Variants in ANKAR observed in about 807,000 individuals in gnomAD.
The protein encoded by ANKAR is ankyrin and armadillo repeat-containing protein.
Under a neutral mutation model 146.2 loss-of-function variants are expected in ANKAR, and 136 were observed. The observed-to-expected ratio is 0.93, with a 90% CI of 0.81 to 1.07. The LOEUF (loss-of-function observed/expected upper bound fraction) is 1.07, where lower values mean the gene tolerates loss of function less well. Ranked by LOEUF, ANKAR falls within the 50% of genes least tolerant of loss-of-function variation. The probability of loss-of-function intolerance (pLI) is 0.00; values close to 1 mark genes in which losing one functional copy is unlikely to be tolerated. For missense variants in ANKAR, 1,567 were observed against 1,679.9 expected, an observed-to-expected ratio of 0.93 and a Z score of 1.18; for synonymous variants, 500 against 575.8, an observed-to-expected ratio of 0.87 and a Z score of 1.88.
chr2:189,737,603 T>C (rs1256354422), intron 17 of ANKAR, 80 bp from the exon 18 acceptor site: 1 of 1,299,806 alleles, frequency 7.7e-7, no homozygotes, highest in Non-Finnish European at 1.0e-6. Flanking sequence ...TATATTTTAA[T>C]GAGCAAGAAC....
At chr2:189,723,759 A>C (rs1333797052) in intron 12 of ANKAR, among the ~76,000 whole-genome samples, 1 of 152,136 alleles carries the variant, frequency 6.6e-6, no homozygotes, top group Non-Finnish European at 1.5e-5. Flanking sequence ...TGCTGCTTTC[A>C]TCCAGCATAC....
chr2:189,729,957 C>T (rs1407457912), intron 15 of ANKAR, among the ~76,000 whole-genome samples: 1 of 151,072 alleles, frequency 6.6e-6, no homozygotes, highest in Non-Finnish European at 1.5e-5. Context: ...ATGAGTTTCT[C>T]AACAGGAAAT....
At chr2:189,740,176 C>A (rs1001747981) in intron 19 of ANKAR, among the ~76,000 whole-genome samples, 1 of 152,210 alleles carries the variant, frequency 6.6e-6, no homozygotes, top group Non-Finnish European at 1.5e-5. Context: ...CTTAGCTATT[C>A]TCTACTCGGA....
chr2:189,710,054 T>A (rs2039482662), intron 9 of ANKAR, among the ~76,000 whole-genome samples: 1 of 152,190 alleles, frequency 6.6e-6, no homozygotes. Flanking sequence ...ACTGCCCATT[T>A]CCACTACGCA....
intron 2 of ANKAR, among the ~76,000 whole-genome samples, chr2:189,682,533 G>A (rs888093492): frequency 8.5e-5 from 13 of 152,162 alleles, no homozygotes; most frequent in African/African-American, 3.1e-4. Flanking sequence ...CACACCTGGA[G>A]CACCACTGTG....
In ANKAR at chr2:189,746,613, C is replaced by A. The variant is rs758560967; in HGVS notation, c.4291C>A (p.Pro1431Thr). The A allele has an allele frequency of 1.5e-5, 24 of 1,597,044 alleles. 1 individual carries two copies. In the South Asian group the frequency reaches 2.5e-4, roughly 17 times the overall value. ...ACATGTCCAGAAAGCCAACCCAGAG[C>A]CTGCAGAAGGCTAATAAAACATTTT... ...GKHVQKANPE[P>T]AEG The change falls in exon 23 of 23, where the codon CCT (proline) becomes ACT (threonine). Residue 1431 changes from proline to threonine, a missense_variant. By Grantham distance (38) the Pro-to-Thr change is conservative. Coordinates refer to ENST00000684021, the MANE Select transcript of ANKAR (RefSeq NM_001378068.1).
chr2:189,713,556 C>A (rs2039999701), intron 10 of ANKAR, among the ~76,000 whole-genome samples: 2 of 152,158 alleles, frequency 1.3e-5, no homozygotes, highest in South Asian at 4.1e-4. Flanking sequence ...TACAGACAAG[C>A]AAATCCTGAG....
chr2:189,745,140 G>A (rs1222115159), intron 22 of ANKAR, among the ~76,000 whole-genome samples: 3 of 151,912 alleles, frequency 2.0e-5, no homozygotes, highest in African/African-American at 7.3e-5. Context: ...GCAGTCAGCT[G>A]AGATCGCACC....
chr2:189,759,694 T>C (rs1350408460), intron 18 of ANKAR, among the ~76,000 whole-genome samples: 1 of 152,212 alleles, frequency 6.6e-6, no homozygotes, highest in East Asian at 1.9e-4. Context: ...ACTATTCAGA[T>C]GTTGTAAATT....
intron 17 of ANKAR, among the ~76,000 whole-genome samples, chr2:189,734,425 T>C (rs2042661929): frequency 6.6e-6 from 1 of 152,222 alleles, no homozygotes; most frequent in South Asian, 2.1e-4. Context: ...TTCTTTTCAA[T>C]GTTTATTCTC....
intron 13 of ANKAR, 34 bp downstream of exon 13, chr2:189,728,131 A>AGAT: frequency 6.4e-7 from 1 of 1,560,452 alleles, no homozygotes; most frequent in Non-Finnish European, 8.7e-7. Flanking sequence ...CATTTTTCTT[A>AGAT]GATGATGTTT....
At position 189,689,668 on chromosome 2, in the gene ANKAR, C is replaced by T; in HGVS notation, c.743C>T (p.Thr248Ile). ...GCTGAAAATATTATGCTAAAGTTAA[C>T]ATTCAGTACCACACAAATTCAACAG... Reference protein sequence around the residue: ...KYAENIMLKLTFSTTQIQQYE... With the variant: ...KYAENIMLKLIFSTTQIQQYE... Residue 248 changes from threonine to isoleucine, a missense_variant, in exon 3 of 23, where the codon ACA (threonine) becomes ATA (isoleucine). Coordinates refer to ENST00000684021, the MANE Select transcript of ANKAR (RefSeq NM_001378068.1). The T allele has an allele frequency of 6.2e-7, 1 of 1,613,702 alleles. No individual in the cohort carries two copies. The highest frequency in any genetic ancestry group is 8.5e-7 in the Non-Finnish European group (1 of 1,179,788).
At chr2:189,698,572 C>T (rs939193091) in intron 7 of ANKAR, among the ~76,000 whole-genome samples, 2 of 152,072 alleles carry the variant, frequency 1.3e-5, no homozygotes, top group African/African-American at 2.4e-5. Context: ...GAGGCTATAC[C>T]TTCATACTCT....
chr2:189,760,305 G>A (rs932515838), intron 18 of ANKAR, among the ~76,000 whole-genome samples: 3 of 152,164 alleles, frequency 2.0e-5, no homozygotes, highest in African/African-American at 4.8e-5. Flanking sequence ...GCCGGGCAGA[G>A]GGGCTCCTCA....
At chr2:189,750,084 G>C (rs1474326171), downstream of ANKAR, among the ~76,000 whole-genome samples, 1 of 152,060 alleles carries the variant, frequency 6.6e-6, no homozygotes, top group Non-Finnish European at 1.5e-5. Flanking sequence ...CTGAGATCAC[G>C]CCACTGCAAT....
intron 1 of ANKAR, 44 bp from the exon 2 acceptor site, chr2:189,676,412 A>G: frequency 7.1e-7 from 1 of 1,413,366 alleles, no homozygotes. Context: ...TTTCATTGGC[A>G]TGTCAGATTT....
At chr2:189,702,725 C>T (rs574675915) in intron 7 of ANKAR, among the ~76,000 whole-genome samples, 4 of 152,228 alleles carry the variant, frequency 2.6e-5, no homozygotes, top group African/African-American at 7.2e-5. Flanking sequence ...ATTTTATAGA[C>T]TATTAAGGCT....
intron 12 of ANKAR, among the ~76,000 whole-genome samples, chr2:189,724,304 A>AT (rs1559121800): frequency 2.0e-5 from 3 of 152,178 alleles, no homozygotes; most frequent in Admixed American, 1.3e-4. Flanking sequence ...AAAGTTGATC[A>AT]TATCTTCTTC....
chr2:189,757,441 G>T (rs2106037239), intron 18 of ANKAR, among the ~76,000 whole-genome samples: 1 of 152,342 alleles, frequency 6.6e-6, no homozygotes, highest in East Asian at 1.9e-4. Flanking sequence ...GGTAGTAGTA[G>T]AACTACTATT....
Sources: gnomAD v4.1 joint callset for allele counts (sites outside exome capture counted in the v4.1 genomes callset) on GRCh38, gnomAD v4.1.1 for gene constraint, MANE v1.5 for transcripts, NCBI Gene and HGNC (gene_info 2026-07-23, HGNC 2026-07-21) for gene names.